Variants in FABP1 observed in about 807,000 individuals in gnomAD.
FABP1 encodes the protein fatty acid-binding protein, liver.
FABP1 carries 13 observed loss-of-function variants against 13.7 expected under a neutral mutation model. The ratio of observed to expected loss-of-function variants is 0.95; its 90% CI spans 0.62 to 1.51. The LOEUF (loss-of-function observed/expected upper bound fraction) is 1.51. FABP1 is among the 40% of genes most tolerant of loss of function. The probability of loss-of-function intolerance (pLI) is 0.00; values close to 1 mark genes in which losing one functional copy is unlikely to be tolerated. For synonymous variants in FABP1, 48 were observed against 59.8 expected (o/e 0.80, Z 0.91); for missense variants, 140 against 155.7 (o/e 0.90, Z 0.54).
At chr2:88,126,080 T>C in intron 2 of FABP1, 96 bp downstream of exon 2, 2 of 1,323,514 alleles carry the variant, frequency 1.5e-6, no homozygotes, top group Non-Finnish European at 2.1e-6. Flanking sequence ...AGAGATGGTA[T>C]CTGTGGGTGG....
intron 3 of FABP1, 198 bp downstream of exon 3, chr2:88,124,296 G>A (rs891773423): frequency 3.8e-6 from 2 of 521,876 alleles, no homozygotes; most frequent in African/African-American, 2.0e-5. Context: ...GAGCAGAAAG[G>A]ATTAGTGATA....
chr2:88,127,359 T>A (rs538679383), intron 1 of FABP1, among the ~76,000 whole-genome samples: 1 of 152,302 alleles, frequency 6.6e-6, no homozygotes, highest in South Asian at 2.1e-4. Flanking sequence ...CCTACTTGCA[T>A]GACCTTGCTT....
intron 3 of FABP1, 129 bp from the exon 4 acceptor site, chr2:88,123,233 A>G (rs1675235816): frequency 1.3e-6 from 1 of 750,090 alleles, no homozygotes; most frequent in African/African-American, 1.8e-5. Flanking sequence ...AACAATTCAA[A>G]AATTCGTCTG....
intron 2 of FABP1, chr2:88,125,889 T>G: frequency 2.1e-5 from 6 of 284,158 alleles, no homozygotes; most frequent in South Asian, 1.2e-4. Flanking sequence ...TGGGAGAACC[T>G]GAGACTTAGA....
rs1675260872 is a variant in FABP1 at position 88,124,498 on chromosome 2, G to T, written c.329C>A (p.Thr110Asn). 6.2e-7 allele frequency: 1 copy of T among 1,606,332 alleles called. No homozygotes were observed. The highest frequency in any genetic ancestry group is 1.1e-5 in the South Asian group (1 of 89,502). ...SVTELNGDIITNTMTLGDIVF... is the reference protein window; with the variant it reads ...SVTELNGDIINNTMTLGDIVF... ...CTCAGAGCACCACCAACTTACATTG[G>T]TGATTATGTCGCCGTTGAGTTCGGT... The change falls in exon 3 of 4, where the codon ACC becomes AAC. Residue 110 changes from threonine to asparagine, a missense_variant. By Grantham distance (65) the Thr-to-Asn change is moderately conservative. Coordinates refer to ENST00000295834, the MANE Select transcript of FABP1 (RefSeq NM_001443.3).
chr2:88,124,494 A>G lies in FABP1; in HGVS notation c.333T>C (p.Asn111=), dbSNP rs1319915315. ...VTELNGDIIT[N]TMTLGDIVFK... ...CACGCTCAGAGCACCACCAACTTACATTGGTGATTATGTCGCCGTTGAGTT... is the reference window on the plus strand; with the variant it reads ...CACGCTCAGAGCACCACCAACTTACGTTGGTGATTATGTCGCCGTTGAGTT... Residue 111 remains asparagine, a splice_region_variant and synonymous_variant, in exon 3 of 4, where the codon AAT becomes AAC. Coordinates refer to ENST00000295834, the MANE Select transcript of FABP1 (RefSeq NM_001443.3). 5.0e-6 allele frequency: 8 copies of G among 1,603,480 alleles called. No homozygotes were observed. The African/African-American group carries it at 5.4e-5, about 11-fold the overall frequency.
rs140963370 is a variant in FABP1 at position 88,123,287 on chromosome 2, A to G, written c.334-183T>C. The G allele has an allele frequency of 2.3e-4, 133 of 573,876 alleles. 1 individual carries two copies. In the African/African-American group the frequency reaches 2.4e-3, roughly 10 times the overall value. The allele number at this position is 573,876 out of a possible 1,614,324, so 35.5% of individuals were successfully genotyped here. A position where few individuals can be genotyped will look rare whatever the true frequency, so the allele number is the denominator to read the frequency against. On this transcript the variant is annotated intron_variant, in intron 3 of 3. Coordinates refer to ENST00000295834, the MANE Select transcript of FABP1 (RefSeq NM_001443.3). ...GGAAAGGTTGGCAATGTTTTCCAAA[A>G]TCCTATGCCAAGTCTTTGTCACTTC...
rs1259608142 is a variant in FABP1, at chr2:88,123,023, C to T, written c.*31G>A. On this transcript the variant is annotated 3_prime_UTR_variant, in exon 4 of 4. Transcript: ENST00000295834. ...AGTTCACTTTATTACATTAATTTTA[C>T]ACACTAAAATAATATGAAATGCAGA... 6.4e-7 allele frequency: 1 copy of T among 1,554,532 alleles called. No individual in the cohort carries two copies. Among genetic ancestry groups the T allele is most frequent in the South Asian group, 1.2e-5 (1 of 85,066 alleles).
chr2:88,126,985 G>A (rs1334357759), intron 1 of FABP1, among the ~76,000 whole-genome samples: 3 of 152,100 alleles, frequency 2.0e-5, no homozygotes, highest in Non-Finnish European at 4.4e-5. Flanking sequence ...TGTTGCATGA[G>A]GGAGAGATGA....
chr2:88,123,362 A>G, intron 3 of FABP1: 3 of 499,316 alleles, frequency 6.0e-6, no homozygotes, highest in Non-Finnish European at 1.1e-5. Flanking sequence ...TCTTTTCTAC[A>G]TCAATGACTG....
intron 2 of FABP1, among the ~76,000 whole-genome samples, chr2:88,125,166 C>A (rs1389733812): frequency 1.3e-5 from 2 of 151,988 alleles, no homozygotes; most frequent in Admixed American, 6.6e-5. Flanking sequence ...TCCTTCCAAG[C>A]CCTTATACAT....
intron 2 of FABP1, 131 bp from the exon 3 acceptor site, chr2:88,124,717 C>A: frequency 3.3e-6 from 2 of 611,616 alleles, no homozygotes; most frequent in South Asian, 2.0e-5. Flanking sequence ...TGATCCCAAG[C>A]CTCTAGTTCT....
chr2:88,125,220 G>A (rs1675274804), intron 2 of FABP1, among the ~76,000 whole-genome samples: 1 of 152,044 alleles, frequency 6.6e-6, no homozygotes, highest in Non-Finnish European at 1.5e-5. Context: ...CAAAGACCCT[G>A]GGCAACATTA....
intron 2 of FABP1, among the ~76,000 whole-genome samples, chr2:88,125,054 T>C (rs1176309731): frequency 1.3e-5 from 2 of 151,814 alleles, no homozygotes; most frequent in Non-Finnish European, 2.9e-5. Flanking sequence ...AAACAGTCCT[T>C]TCACTTCAGC....
At chr2:88,123,153 T>TA (rs1675234581) in intron 3 of FABP1, 49 bp from the exon 4 acceptor site, 2 of 1,509,134 alleles carry the variant, frequency 1.3e-6, no homozygotes, top group South Asian at 1.2e-5. Flanking sequence ...TGTTGTATTG[T>TA]AAAAAACAAA....
intron 2 of FABP1, among the ~76,000 whole-genome samples, chr2:88,125,024 G>A (rs1675271633): frequency 6.6e-6 from 1 of 150,822 alleles, no homozygotes; most frequent in South Asian, 2.1e-4. Context: ...TGCCCAGGCT[G>A]GTCTTGAACT....
rs1176060996 is a variant in FABP1, at chr2:88,126,302, C to T, written c.114G>A (p.Val38=). Residue 38 remains valine (V), a synonymous_variant, in exon 2 of 4, where the codon GTG becomes GTA. Transcript: ENST00000295834. ...GCTTCCCATTCTGCACGATTTCCGA[C>T]ACCCCCTTGATATCCTTCCCCTTCT... ...LIQKGKDIKG[V]SEIVQNGKHF... is the part of the protein sequence containing the mutation. 6.2e-7 allele frequency: 1 copy of T among 1,614,040 alleles called. No individual in the cohort carries two copies. The highest frequency in any genetic ancestry group is 1.3e-5 in the African/African-American group (1 of 75,058).
intron 3 of FABP1, chr2:88,123,645 C>T (rs1675243052): frequency 6.6e-6 from 1 of 152,636 alleles, no homozygotes; most frequent in Non-Finnish European, 1.5e-5. Context: ...CATACCATGT[C>T]ATCAGGGTGA....
In FABP1 at chr2:88,127,958, C is replaced by T. The variant is rs200391079; in HGVS notation, c.60G>A (p.Lys20=). The T allele has an allele frequency of 2.8e-5, 45 of 1,614,224 alleles. No homozygotes were observed. Among genetic ancestry groups the T allele is most frequent in the Admixed American group, 5.0e-5 (3 of 60,030 alleles). ...TTTCAGTCCAGCACTCACCGATTGCCTTCATGAAGGCTTCAAAGTTTTCCT... is the reference window on the plus strand; with the variant it reads ...TTTCAGTCCAGCACTCACCGATTGCTTTCATGAAGGCTTCAAAGTTTTCCT... The part of the protein sequence containing the change: ...QSQENFEAFM[K]AIGLPEELIQ... Residue 20 remains lysine, a synonymous_variant, in exon 1 of 4, where the codon AAG becomes AAA. Transcript: ENST00000295834.
Sources: allele counts gnomAD v4.1 joint callset (sites outside exome capture counted in the v4.1 genomes callset), GRCh38; gene constraint gnomAD v4.1.1; transcripts MANE v1.5; gene names NCBI Gene and HGNC (gene_info 2026-07-23, HGNC 2026-07-21).